The following NCKAP1 variants were observed in gnomAD, a reference collection of about 807,000 sequenced individuals.
NCKAP1 encodes nck-associated protein 1.
Under a neutral mutation model 151.2 loss-of-function variants are expected in NCKAP1, and 21 were observed. The ratio of observed to expected loss-of-function variants is 0.14; its 90% CI spans 0.10 to 0.20. The LOEUF (loss-of-function observed/expected upper bound fraction) is 0.20. Ranked by LOEUF, NCKAP1 falls within the 10% of genes least tolerant of loss-of-function variation. The probability of loss-of-function intolerance (pLI) is 1.00; values close to 1 mark genes in which losing one functional copy is unlikely to be tolerated. For missense variants in NCKAP1, 933 were observed against 1,352.1 expected (o/e 0.69, Z 4.86); for synonymous variants, 484 against 451.8 (o/e 1.07, Z -0.90).
Position 182,964,714 on chromosome 2 carries a change from G to T in NCKAP1, c.1723C>A (p.His575Asn), listed in dbSNP as rs1195982469. The T allele has an allele frequency of 6.2e-7, 1 of 1,604,106 alleles. No individual in the cohort carries two copies. Among genetic ancestry groups the T allele is most frequent in the South Asian group, 1.1e-5 (1 of 89,526 alleles). Reference protein sequence around the residue: ...YSIAFPLLCTHFMSCTHELCP... With the variant: ...YSIAFPLLCTNFMSCTHELCP... ...AGTTCATGCGTGCAACTCATAAAAT[G>T]AGTGCAAAGTAGTGGAAATGCAATT... The change falls in exon 17 of 31, where the codon CAT becomes AAT. Residue 575 changes from histidine to asparagine, a missense_variant. Coordinates refer to ENST00000361354, the MANE Select transcript of NCKAP1 (RefSeq NM_013436.5).
chr2:182,935,911 C>T lies in NCKAP1; in HGVS notation c.2696-536G>A, dbSNP rs376972499. Among the ~76,000 whole-genome samples the T allele has an allele frequency of 6.8e-4, 104 of 152,180 alleles. 1 individual carries two copies. The highest frequency in any genetic ancestry group is 2.4e-3 in the African/African-American group (101 of 41,516). ...GCAGGACCAGTTTGCTGAAGCTGAA[C>T]AGATTTGATCACTTACATATTGGTT... On this transcript the variant is annotated intron_variant, in intron 24 of 30. Transcript: ENST00000361354.
chr2:183,008,587 GC>G (rs1698527087), intron 2 of NCKAP1, among the ~76,000 whole-genome samples: 1 of 152,104 alleles, frequency 6.6e-6, no homozygotes, highest in South Asian at 2.1e-4. Flanking sequence ...CAGAGCCTTT[GC>G]ATTTGTTCTT....
At chr2:182,935,424 G>C (rs1696853942) in intron 24 of NCKAP1, 49 bp from the exon 25 acceptor site, 8 of 1,150,900 alleles carry the variant, frequency 7.0e-6, no homozygotes, top group South Asian at 1.8e-5. Flanking sequence ...GTGTGAACTG[G>C]ATTCTTTCTT....
At chr2:182,941,746 C>T (rs1697000436) in intron 24 of NCKAP1, among the ~76,000 whole-genome samples, 2 of 152,116 alleles carry the variant, frequency 1.3e-5, no homozygotes, top group African/African-American at 4.8e-5. Context: ...TTAACAGGCT[C>T]AGAAGCTAAT....
At chr2:183,022,417 A>G (rs1048663312) in intron 2 of NCKAP1, among the ~76,000 whole-genome samples, 3 of 152,244 alleles carry the variant, frequency 2.0e-5, no homozygotes, top group Non-Finnish European at 4.4e-5. Context: ...AAAAGTGTTA[A>G]GAAGTGCAAG....
At chr2:183,005,333 C>T (rs1698449935) in intron 2 of NCKAP1, among the ~76,000 whole-genome samples, 2 of 152,056 alleles carry the variant, frequency 1.3e-5, no homozygotes, top group South Asian at 4.1e-4. Flanking sequence ...CTTCAGTGTC[C>T]TAGTCTGAAC....
chr2:182,941,803 G>C (rs1487642120), intron 24 of NCKAP1, among the ~76,000 whole-genome samples: 1 of 152,070 alleles, frequency 6.6e-6, no homozygotes, highest in Non-Finnish European at 1.5e-5. Context: ...AATTTAATGG[G>C]TTCAAAACCA....
intron 1 of NCKAP1, among the ~76,000 whole-genome samples, chr2:183,026,569 T>C (rs1372807710): frequency 6.6e-6 from 1 of 152,024 alleles, no homozygotes; most frequent in Non-Finnish European, 1.5e-5. Context: ...TTTTCCACAC[T>C]GCTCAGTGGA....
chr2:182,996,574 C>T (rs1243355572), intron 6 of NCKAP1, among the ~76,000 whole-genome samples: 1 of 152,198 alleles, frequency 6.6e-6, no homozygotes, highest in African/African-American at 2.4e-5. Flanking sequence ...TCTCCTGCCT[C>T]AGCCTCCGGA....
intron 8 of NCKAP1, among the ~76,000 whole-genome samples, chr2:182,991,818 A>T (rs1330775233): frequency 6.6e-6 from 1 of 152,176 alleles, no homozygotes; most frequent in African/African-American, 2.4e-5. Flanking sequence ...AGATAGGAAA[A>T]AAAATCTTTC....
intron 16 of NCKAP1, 109 bp downstream of exon 16, chr2:182,967,107 G>T: frequency 2.1e-6 from 2 of 961,942 alleles, no homozygotes; most frequent in Non-Finnish European, 3.0e-6. Context: ...TATTCTTAAG[G>T]ATCTATTACT....
At position 182,955,891 on chromosome 2, in the gene NCKAP1, T is replaced by C. The variant is rs575025563; in HGVS notation, c.2153+571A>G. Among the ~76,000 whole-genome samples, 5 of 152,316 alleles carry C rather than the reference T, an allele frequency of 3.3e-5. No homozygotes were observed. In the East Asian group the frequency reaches 5.8e-4, roughly 18 times the overall value. On this transcript the variant is annotated intron_variant, in intron 20 of 30. Transcript: ENST00000361354. ...GTTGCCACCTGCAAGATGAAATACA[T>C]TGATTTGCTCCAATATTCTCACTTT...
chr2:182,992,018 A>C (rs60558126), intron 8 of NCKAP1, among the ~76,000 whole-genome samples: 8,274 of 152,234 alleles, frequency 0.054, 760 homozygotes, highest in African/African-American at 0.19. Context: ...AATCACTGAG[A>C]AAGTACATTA....
At chr2:182,955,517 T>G (rs1697306201) in intron 20 of NCKAP1, among the ~76,000 whole-genome samples, 1 of 152,132 alleles carries the variant, frequency 6.6e-6, no homozygotes, top group South Asian at 2.1e-4. Flanking sequence ...AAAATATATA[T>G]TCATATATAA....
intron 13 of NCKAP1, among the ~76,000 whole-genome samples, chr2:182,979,338 G>C (rs1230203731): frequency 1.3e-5 from 2 of 152,016 alleles, no homozygotes; most frequent in African/African-American, 4.8e-5. Flanking sequence ...AATGCATACA[G>C]CTACCAAAAT....
chr2:183,029,586 C>T (rs1390957831), intron 1 of NCKAP1, among the ~76,000 whole-genome samples: 1 of 151,734 alleles, frequency 6.6e-6, no homozygotes, highest in African/African-American at 2.4e-5. Flanking sequence ...CTTGCGGAGG[C>T]CAAGGCAGGA....
At chr2:182,959,905 A>G (rs897993335) in intron 18 of NCKAP1, among the ~76,000 whole-genome samples, 1 of 152,228 alleles carries the variant, frequency 6.6e-6, no homozygotes, top group African/African-American at 2.4e-5. Context: ...TACAAAATCA[A>G]TGTGCAAAAA....
intron 1 of NCKAP1, among the ~76,000 whole-genome samples, chr2:183,027,682 C>A (rs1040735381): frequency 6.6e-6 from 1 of 151,930 alleles, no homozygotes; most frequent in Non-Finnish European, 1.5e-5. Flanking sequence ...TAGCAAGATC[C>A]TATCTCTACA....
rs769094807 is a variant in NCKAP1, at chr2:182,976,876, T to G, written c.1482+17A>C. On this transcript the variant is annotated intron_variant, in intron 15 of 30. Transcript: ENST00000361354. ...CTAAAATAACAAAACAGAATGACAA[T>G]AAAAGGTTATTCTTACCTGTAACCT... 6 of 1,448,674 alleles carry G rather than the reference T, an allele frequency of 4.1e-6. No homozygotes were observed. In the Admixed American group the frequency reaches 1.0e-4, roughly 25 times the overall value. 89.7% of individuals were successfully genotyped at this position (1,448,674 alleles called of 1,614,324 possible).
Sources: allele counts gnomAD v4.1 joint callset (sites outside exome capture counted in the v4.1 genomes callset), GRCh38; gene constraint gnomAD v4.1.1; transcripts MANE v1.5; gene names NCBI Gene and HGNC (gene_info 2026-07-23, HGNC 2026-07-21).